Variants in AKAP6 observed in about 807,000 individuals in gnomAD.
The protein encoded by AKAP6 is A-kinase anchoring protein 6.
AKAP6 carries 58 observed loss-of-function variants against 188.5 expected under a neutral mutation model. That is an observed-to-expected ratio of 0.31 (90% CI 0.25 to 0.38). AKAP6 has a LOEUF of 0.38. Among genes scored for constraint, AKAP6 ranks in the 10% least tolerant of loss-of-function variants. AKAP6 has a pLI of 1.00. For missense variants in AKAP6, 2,710 were observed against 2,740.0 expected (o/e 0.99, Z 0.24); for synonymous variants, 989 against 998.6 (o/e 0.99, Z 0.18).
chr14:32,509,328 A>G (rs1322654205), intron 2 of AKAP6, among the ~76,000 whole-genome samples: 1 of 151,698 alleles, frequency 6.6e-6, no homozygotes, highest in South Asian at 2.1e-4. Context: ...GGGTTTCGCC[A>G]TGTTGTCCAG....
intron 5 of AKAP6, among the ~76,000 whole-genome samples, chr14:32,587,610 G>A (rs2139306770): frequency 6.6e-6 from 1 of 152,296 alleles, no homozygotes; most frequent in South Asian, 2.1e-4. Flanking sequence ...ATAGAGAAGA[G>A]GGAATAGATT....
chr14:32,507,784 G>T (rs565177582), intron 2 of AKAP6, among the ~76,000 whole-genome samples: 1 of 152,318 alleles, frequency 6.6e-6, no homozygotes, highest in South Asian at 2.1e-4. Flanking sequence ...GCACAGAGGA[G>T]GGATAGGATG....
At chr14:32,372,768 CT>C (rs1888047994) in intron 1 of AKAP6, among the ~76,000 whole-genome samples, 1 of 52,610 alleles carries the variant, frequency 1.9e-5, no homozygotes, top group Non-Finnish European at 3.6e-5. Flanking sequence ...CTTTTTGTTG[CT>C]CTGTGTGTGT....
intron 4 of AKAP6, among the ~76,000 whole-genome samples, chr14:32,575,805 T>C (rs966269623): frequency 6.6e-6 from 1 of 152,164 alleles, no homozygotes; most frequent in Non-Finnish European, 1.5e-5. Context: ...TGTGGGATGA[T>C]AGACTGAGCT....
In AKAP6 at chr14:32,788,040, CAAAAA is replaced by C. The variant is rs10606532; in HGVS notation, c.3588+14165_3588+14169del. Among the ~76,000 whole-genome samples the C allele has an allele frequency of 2.6e-3, 246 of 96,332 alleles. 2 individuals carry two copies. The Middle Eastern group carries it at 0.029, about 11-fold the overall frequency. 63.2% of individuals were successfully genotyped at this position (96,332 alleles called of 152,430 possible). A position where few individuals can be genotyped will look rare whatever the true frequency, so the allele number is the denominator to read the frequency against. On this transcript the variant is annotated intron_variant, in intron 12 of 13. Coordinates refer to ENST00000280979, the MANE Select transcript of AKAP6 (RefSeq NM_004274.5). ...TGGGCAACAGAGTGAGACCCCATCT[CAAAAA>C]AAAAAAAAAAAAAAAAAGAAGGTGG... is the stretch of plus-strand genomic sequence containing the variant.
rs140385892 is a variant in AKAP6 at position 32,550,660 on chromosome 14, G to A, written c.2346+3661G>A. Among the ~76,000 whole-genome samples, 599 of 152,310 alleles carry A rather than the reference G, an allele frequency of 3.9e-3. 5 individuals carry two copies. The highest frequency in any genetic ancestry group is 5.9e-3 in the Non-Finnish European group (404 of 68,026). On this transcript the variant is annotated intron_variant, in intron 4 of 13. Transcript: ENST00000280979. ...CTAGCTTTGGTCTCCTCCTTATAGT[G>A]ACCCAGAGAACCCATTCTGCCTGGA...
At chr14:32,492,355 T>TATATATATATATTTATATAGAG in intron 2 of AKAP6, among the ~76,000 whole-genome samples, 1 of 82,586 alleles carries the variant, frequency 1.2e-5, no homozygotes, top group Non-Finnish European at 2.7e-5. Context: ...TATATATATA[T>TATATATATATATTTATATAGAG]AGAGAGAGAG....
chr14:32,652,336 C>T (rs1467234175), intron 7 of AKAP6, among the ~76,000 whole-genome samples: 2 of 152,052 alleles, frequency 1.3e-5, no homozygotes, highest in Non-Finnish European at 2.9e-5. Flanking sequence ...TCGACTAGGC[C>T]TCTTGGCCTG....
chr14:32,719,422 C>T (rs960975317), intron 9 of AKAP6, among the ~76,000 whole-genome samples: 2 of 152,156 alleles, frequency 1.3e-5, no homozygotes, highest in African/African-American at 2.4e-5. Context: ...AACTGATTCT[C>T]ATAGATTTCA....
chr14:32,820,283 G>GTA (rs376560933), intron 12 of AKAP6, among the ~76,000 whole-genome samples: 27 of 150,940 alleles, frequency 1.8e-4, no homozygotes, highest in Admixed American at 4.6e-4. Flanking sequence ...TCTGCACTAT[G>GTA]TATATATATA....
At chr14:32,627,822 T>C (rs1287988164) in intron 7 of AKAP6, among the ~76,000 whole-genome samples, 1 of 152,140 alleles carries the variant, frequency 6.6e-6, no homozygotes, top group East Asian at 1.9e-4. Flanking sequence ...AACTTCCTTT[T>C]TAAGCTTTCA....
intron 11 of AKAP6, among the ~76,000 whole-genome samples, chr14:32,744,308 TA>T (rs2031799982): frequency 6.8e-6 from 1 of 146,756 alleles, no homozygotes; most frequent in Admixed American, 6.7e-5. Flanking sequence ...TTTTTTTAAT[TA>T]TTTTATTTTA....
intron 12 of AKAP6, among the ~76,000 whole-genome samples, chr14:32,818,681 G>A (rs925398269): frequency 2.6e-5 from 4 of 151,990 alleles, no homozygotes; most frequent in South Asian, 2.1e-4. Context: ...GCTTGAATTC[G>A]TAAAGCCGTA....
chr14:32,590,552 A>G (rs10140590), intron 5 of AKAP6, among the ~76,000 whole-genome samples: 110,092 of 152,096 alleles, frequency 0.72, 40,104 homozygotes, highest in East Asian at 0.96. Context: ...AGATTCTAAC[A>G]AATGTTATAA....
chr14:32,422,635 A>G (rs1207841952), intron 1 of AKAP6, among the ~76,000 whole-genome samples: 3 of 152,144 alleles, frequency 2.0e-5, no homozygotes, highest in Admixed American at 2.0e-4. Context: ...TGGTTGCCCA[A>G]AGCCTCAACC....
chr14:32,432,329 C>T (rs548957782), intron 1 of AKAP6, among the ~76,000 whole-genome samples: 10 of 152,084 alleles, frequency 6.6e-5, no homozygotes, highest in Non-Finnish European at 7.4e-5. Flanking sequence ...ATACTAGACT[C>T]GTTCCAGAAG....
At chr14:32,705,482 T>C (rs575172482) in intron 9 of AKAP6, among the ~76,000 whole-genome samples, 2 of 152,288 alleles carry the variant, frequency 1.3e-5, no homozygotes, top group East Asian at 3.9e-4. Context: ...GGTATTGAGA[T>C]GGGTGTAGGA....
intron 1 of AKAP6, among the ~76,000 whole-genome samples, chr14:32,346,428 G>T (rs1887067950): frequency 6.6e-6 from 1 of 152,228 alleles, no homozygotes; most frequent in Non-Finnish European, 1.5e-5. Context: ...TTGCATTTTA[G>T]AATTTACCAA....
chr14:32,560,381 T>A (rs1404305344), intron 4 of AKAP6, among the ~76,000 whole-genome samples: 1 of 152,110 alleles, frequency 6.6e-6, no homozygotes, highest in African/African-American at 2.4e-5. Flanking sequence ...ATTAGGAATG[T>A]TTCAGTCCTG....
Sources: gnomAD v4.1 joint callset for allele counts (sites outside exome capture counted in the v4.1 genomes callset) on GRCh38, gnomAD v4.1.1 for gene constraint, MANE v1.5 for transcripts, NCBI Gene and HGNC (gene_info 2026-07-23, HGNC 2026-07-21) for gene names.